The following NCAM2 variants were observed in gnomAD, a reference collection of about 807,000 sequenced individuals.
The protein encoded by NCAM2 is neural cell adhesion molecule 2.
A neutral mutation model predicts 98.1 loss-of-function variants in NCAM2; 30 were observed. The ratio of observed to expected loss-of-function variants is 0.31; its 90% CI spans 0.23 to 0.41. The LOEUF (loss-of-function observed/expected upper bound fraction) is 0.41, where lower values mean the gene tolerates loss of function less well. Ranked by LOEUF, NCAM2 falls within the 10% of genes least tolerant of loss-of-function variation. The pLI is 1.00. For synonymous variants in NCAM2, 368 were observed against 342.4 expected (o/e 1.07, Z -0.83); for missense variants, 867 against 1,005.8 (o/e 0.86, Z 1.87).
chr21:21,125,472 ATATC>A (rs1264570774), intron 1 of NCAM2, among the ~76,000 whole-genome samples: 5 of 14,366 alleles, frequency 3.5e-4, no homozygotes, highest in Non-Finnish European at 1.4e-3. Flanking sequence ...ACAGATATAT[ATATC>A]TATATATAGA....
At chr21:21,430,335 A>C (rs560703483) in intron 11 of NCAM2, among the ~76,000 whole-genome samples, 1 of 145,756 alleles carries the variant, frequency 6.9e-6, no homozygotes, top group East Asian at 2.1e-4. Context: ...CCCCAATTTT[A>C]TGTAAATGAC....
chr21:21,340,943 G>T (rs1255340839), intron 8 of NCAM2, among the ~76,000 whole-genome samples: 1 of 151,752 alleles, frequency 6.6e-6, no homozygotes, highest in Non-Finnish European at 1.5e-5. Context: ...CTTGTTATAA[G>T]GAAGATGAGC....
At chr21:21,327,928 G>A (rs1189107413) in intron 6 of NCAM2, among the ~76,000 whole-genome samples, 2 of 152,188 alleles carry the variant, frequency 1.3e-5, no homozygotes, top group Non-Finnish European at 2.9e-5. Flanking sequence ...AGTAAAAGCA[G>A]TGACTCTAAA....
At chr21:21,379,328 T>C (rs1188018112) in intron 9 of NCAM2, among the ~76,000 whole-genome samples, 1 of 152,082 alleles carries the variant, frequency 6.6e-6, no homozygotes, top group African/African-American at 2.4e-5. Flanking sequence ...ATGCACTTAG[T>C]TGTAGATTTT....
chr21:21,466,561 A>G (rs748158072), intron 12 of NCAM2, 45 bp from the exon 13 acceptor site: 4 of 1,353,742 alleles, frequency 3.0e-6, no homozygotes, highest in Non-Finnish European at 4.0e-6. Flanking sequence ...TTAGATATAT[A>G]TGTATATATA....
intron 11 of NCAM2, among the ~76,000 whole-genome samples, chr21:21,423,761 C>G (rs2077160030): frequency 6.6e-6 from 1 of 151,996 alleles, no homozygotes; most frequent in South Asian, 2.1e-4. Flanking sequence ...TACTGAAACC[C>G]TGTCAAATTC....
At chr21:21,333,238 A>G (rs192293248) in intron 6 of NCAM2, among the ~76,000 whole-genome samples, 2 of 152,268 alleles carry the variant, frequency 1.3e-5, no homozygotes, top group Admixed American at 6.5e-5. Flanking sequence ...TGGCTTAATT[A>G]TATTTCCTAT....
At chr21:21,372,827 CATCT>C (rs1210965678) in intron 8 of NCAM2, among the ~76,000 whole-genome samples, 1 of 151,718 alleles carries the variant, frequency 6.6e-6, no homozygotes, top group African/African-American at 2.4e-5. Flanking sequence ...TTACTAATAA[CATCT>C]ATATACACCA....
chr21:21,143,626 C>A (rs913189656), intron 1 of NCAM2, among the ~76,000 whole-genome samples: 1 of 152,064 alleles, frequency 6.6e-6, no homozygotes, highest in Non-Finnish European at 1.5e-5. Flanking sequence ...CCAATTTTAT[C>A]TTTTTAATAT....
At chr21:21,503,847 T>C (rs1408549121) in intron 15 of NCAM2, among the ~76,000 whole-genome samples, 1 of 152,072 alleles carries the variant, frequency 6.6e-6, no homozygotes, top group South Asian at 2.1e-4. Context: ...ACCAAATATA[T>C]TTTTAACTTT....
intron 15 of NCAM2, among the ~76,000 whole-genome samples, chr21:21,479,041 A>G (rs1602460682): frequency 6.6e-6 from 1 of 152,306 alleles, no homozygotes; most frequent in East Asian, 1.9e-4. Context: ...ACGTATTCCC[A>G]TACTGAGCCA....
chr21:21,061,623 T>A (rs911237967), intron 1 of NCAM2, among the ~76,000 whole-genome samples: 1 of 131,542 alleles, frequency 7.6e-6, no homozygotes, highest in Non-Finnish European at 1.6e-5. Flanking sequence ...TCTTTTTGAA[T>A]CTTTTCTTAT....
chr21:21,326,668 A>T (rs1474151869), intron 6 of NCAM2, among the ~76,000 whole-genome samples: 1 of 152,152 alleles, frequency 6.6e-6, no homozygotes, highest in African/African-American at 2.4e-5. Flanking sequence ...TATAATGAGT[A>T]ATTTAAATTT....
chr21:21,028,694 G>T (rs1316106899), intron 1 of NCAM2, among the ~76,000 whole-genome samples: 2 of 152,160 alleles, frequency 1.3e-5, no homozygotes, highest in Non-Finnish European at 2.9e-5. Context: ...CACACAAAAT[G>T]CCCTAATAGT....
intron 1 of NCAM2, among the ~76,000 whole-genome samples, chr21:21,155,549 A>G (rs1038630013): frequency 6.6e-6 from 1 of 151,888 alleles, no homozygotes; most frequent in Admixed American, 6.6e-5. Context: ...TTTATATAAA[A>G]TGTTCAATTC....
At chr21:21,300,658 T>TAC (rs1166136189) in intron 5 of NCAM2, among the ~76,000 whole-genome samples, 1 of 152,100 alleles carries the variant, frequency 6.6e-6, no homozygotes, top group African/African-American at 2.4e-5. Flanking sequence ...CCTTAAGGTA[T>TAC]ACTGTAGAGA....
At position 21,316,615 on chromosome 21, in the gene NCAM2, A is replaced by T. The variant is rs1316075668; in HGVS notation, c.620-7768A>T. Among the ~76,000 whole-genome samples, 13 of 138,710 alleles carry T rather than the reference A, an allele frequency of 9.4e-5. No homozygotes were observed. In the Admixed American group the frequency reaches 1.0e-3, roughly 11 times the overall value. 91.0% of individuals were successfully genotyped at this position (138,710 alleles called of 152,430 possible). A position where few individuals can be genotyped will look rare whatever the true frequency, so the allele number is the denominator to read the frequency against. ...CAATGGTGTGATCTCGGCTCACTAC[A>T]ACCCTACAACCTCTGCCTCCCAGGT... On this transcript the variant is annotated intron_variant, in intron 5 of 17. Coordinates refer to ENST00000400546, the MANE Select transcript of NCAM2 (RefSeq NM_004540.5).
At chr21:21,064,428 T>A (rs1284726395) in intron 1 of NCAM2, among the ~76,000 whole-genome samples, 2 of 152,192 alleles carry the variant, frequency 1.3e-5, no homozygotes, top group African/African-American at 4.8e-5. Flanking sequence ...ACATAACTCA[T>A]TAAGAATTGT....
chr21:21,028,906 A>T (rs933962792), intron 1 of NCAM2, among the ~76,000 whole-genome samples: 1 of 152,214 alleles, frequency 6.6e-6, no homozygotes, highest in Non-Finnish European at 1.5e-5. Context: ...AGCTATCATC[A>T]TAGGTATGTA....
Sources: allele counts gnomAD v4.1 joint callset (sites outside exome capture counted in the v4.1 genomes callset), GRCh38; gene constraint gnomAD v4.1.1; transcripts MANE v1.5; gene names NCBI Gene and HGNC (gene_info 2026-07-23, HGNC 2026-07-21).